Variants in ODF2 observed in about 807,000 individuals in gnomAD.
ODF2 encodes outer dense fiber protein 2.
ODF2 carries 47 observed loss-of-function variants against 110.2 expected under a neutral mutation model. That is an observed-to-expected ratio of 0.43 (90% CI 0.34 to 0.54). The LOEUF is 0.54. Ranked by LOEUF, ODF2 falls within the 20% of genes least tolerant of loss-of-function variation. The pLI, the probability that ODF2 is intolerant of heterozygous loss-of-function variation, is 0.03. For missense variants in ODF2, 812 were observed against 1,054.5 expected, an observed-to-expected ratio of 0.77 and a Z score of 3.19; for synonymous variants, 352 against 397.7, an observed-to-expected ratio of 0.89 and a Z score of 1.37.
At chr9:128,472,398 G>A (rs1230689546) in intron 6 of ODF2, among the ~76,000 whole-genome samples, 2 of 152,148 alleles carry the variant, frequency 1.3e-5, no homozygotes, top group Non-Finnish European at 2.9e-5. Flanking sequence ...AGTAGAGATG[G>A]GGTTTTAGCT....
chr9:128,497,441 AAAAAAATATATATATATAT>A (rs1459884521), intron 18 of ODF2: 10 of 90,872 alleles, frequency 1.1e-4, no homozygotes, highest in African/African-American at 1.9e-4. Context: ...AAAAAAAAAA[AAAAAAATATATATATATAT>A]ATATATATAT....
chr9:128,469,422 T>C, intron 5 of ODF2, 69 bp downstream of exon 5: 1 of 1,533,478 alleles, frequency 6.5e-7, no homozygotes, highest in Non-Finnish European at 9.0e-7. Flanking sequence ...GTGGATTTCC[T>C]GCCTGGTCCC....
Position 128,475,523 on chromosome 9 carries a change from T to C in ODF2, c.843+1782T>C, listed in dbSNP as rs537082468. Among the ~76,000 whole-genome samples, 5 of 152,338 alleles carry C rather than the reference T, an allele frequency of 3.3e-5. No individual in the cohort carries two copies. In the South Asian group the frequency reaches 6.2e-4, roughly 19 times the overall value. On this transcript the variant is annotated intron_variant, in intron 8 of 20. Coordinates refer to ENST00000604420, the Ensembl canonical transcript of ODF2. ...TTTCAAGTATACACATCAGTAACTA[T>C]AGTCACCATGTTGAACAATTTCTCC...
intron 5 of ODF2, among the ~76,000 whole-genome samples, 168 bp from the exon 6 acceptor site, chr9:128,471,140 C>T (rs1405352275): frequency 1.3e-5 from 2 of 152,182 alleles, no homozygotes; most frequent in Non-Finnish European, 2.9e-5. Flanking sequence ...TCTCGAACTC[C>T]TGACCAAAAG....
chr9:128,474,866 A>G (rs1840906497), intron 8 of ODF2, among the ~76,000 whole-genome samples: 1 of 151,912 alleles, frequency 6.6e-6, no homozygotes, highest in African/African-American at 2.4e-5. Context: ...CAGGAGGCTA[A>G]GGTAGGAGAA....
intron 6 of ODF2, among the ~76,000 whole-genome samples, chr9:128,472,095 ATG>A (rs1564480977): frequency 6.6e-6 from 1 of 152,162 alleles, no homozygotes; most frequent in African/African-American, 2.4e-5. Context: ...CCTGGCCAAC[ATG>A]GTGAAACCCT....
At chr9:128,471,308 G>A (rs765164238) in exon 6 of ODF2, 2 of 1,608,536 alleles carry the variant, frequency 1.2e-6, no homozygotes, top group Non-Finnish European at 1.7e-6. Context: ...CCCTGCTCAG[G>A]TCAAGATGCA....
intron 4 of ODF2, among the ~76,000 whole-genome samples, chr9:128,464,397 G>A (rs545371894): frequency 8.2e-4 from 124 of 151,800 alleles, no homozygotes; most frequent in Non-Finnish European, 1.6e-3. Flanking sequence ...CTCGTGATCC[G>A]CCCGCCTTGG....
intron 5 of ODF2, 104 bp downstream of exon 5, chr9:128,469,457 G>C: frequency 8.1e-7 from 1 of 1,236,152 alleles, no homozygotes; most frequent in Non-Finnish European, 1.2e-6. Context: ...CAGGCCTTCA[G>C]GCCTCCTCTG....
chr9:128,463,651 T>A (rs1172729119), intron 4 of ODF2, among the ~76,000 whole-genome samples: 2 of 152,174 alleles, frequency 1.3e-5, no homozygotes, highest in Admixed American at 1.3e-4. Context: ...ATGCACAACA[T>A]ATAACATTTG....
intron 7 of ODF2, 28 bp from the exon 8 acceptor site, chr9:128,473,582 T>G (rs771084278): frequency 6.2e-7 from 1 of 1,611,848 alleles, no homozygotes; most frequent in East Asian, 2.2e-5. Context: ...TCCCCCTGCA[T>G]CTGTAAGACT....
chr9:128,455,553 CAAAAAAAAAAAAAAAAAAAAAAAA>C (rs55634490), upstream of ODF2, among the ~76,000 whole-genome samples: 220 of 56,850 alleles, frequency 3.9e-3, 2 homozygotes, highest in African/African-American at 0.015. Flanking sequence ...GAATCTGTCT[CAAAAAAAAAAAAAAAAAAAAAAAA>C]AAAAAAAAAA....
chr9:128,471,826 G>A (rs1196617528), intron 6 of ODF2, among the ~76,000 whole-genome samples: 1 of 152,140 alleles, frequency 6.6e-6, no homozygotes, highest in Non-Finnish European at 1.5e-5. Context: ...AAGGCCCCAA[G>A]GTGGGAAAGT....
chr9:128,460,629 TAAAA>T (rs765660295), intron 3 of ODF2: 1 of 1,613,836 alleles, frequency 6.2e-7, no homozygotes. Context: ...CACGTCCACA[TAAAA>T]AAACTCCCGA....
At chr9:128,462,794 C>T (rs547478381) in intron 4 of ODF2, among the ~76,000 whole-genome samples, 8 of 151,752 alleles carry the variant, frequency 5.3e-5, no homozygotes, top group South Asian at 2.1e-4. Context: ...GGGGTTTCAC[C>T]GTGTTAGCCA....
intron 1 of ODF2, 92 bp downstream of exon 1, chr9:128,456,347 G>A: frequency 7.0e-7 from 1 of 1,437,162 alleles, no homozygotes; most frequent in Non-Finnish European, 9.1e-7. Context: ...TCGACCCCGC[G>A]GGGCCGTCGG....
rs750565785 is a variant in ODF2, at chr9:128,461,084, C to T, written c.249+17C>T. ...AAGTGGGAGGTAGGCTCACCCTTGCCCAGGCTTTTCTTCTCGGACTGCTCA... is the reference window on the plus strand; with the variant it reads ...AAGTGGGAGGTAGGCTCACCCTTGCTCAGGCTTTTCTTCTCGGACTGCTCA... On this transcript the variant is annotated intron_variant, in intron 4 of 20. Coordinates refer to ENST00000604420, the Ensembl canonical transcript of ODF2. 1.8e-4 allele frequency: 285 copies of T among 1,612,358 alleles called. No individual in the cohort carries two copies. The highest frequency in any genetic ancestry group is 2.2e-4 in the Non-Finnish European group (258 of 1,179,256).
intron 20 of ODF2, among the ~76,000 whole-genome samples, chr9:128,499,817 C>T (rs1168337801): frequency 4.6e-5 from 7 of 152,118 alleles, no homozygotes; most frequent in Admixed American, 2.0e-4. Context: ...ACTATGTTGC[C>T]CATGCTGGTC....
rs1428275938 is a variant in ODF2, at chr9:128,485,023, G to A, written c.1290+137G>A. ...TAGTGGTGGAAAGGATAGATGGCTG[G>A]GGAGGAGGGAGAGGGAGTTAAGGGG... is the stretch of plus-strand genomic sequence containing the variant. On this transcript the variant is annotated intron_variant, in intron 12 of 20. Coordinates refer to ENST00000604420, the Ensembl canonical transcript of ODF2. The surrounding 1 kb of genome is among the most constrained non-coding windows in gnomAD (Gnocchi z 5.0). The A allele has an allele frequency of 1.1e-6, 1 of 938,600 alleles. No individual in the cohort carries two copies. The highest frequency in any genetic ancestry group is 1.6e-6 in the Non-Finnish European group (1 of 610,148). The allele number at this position is 938,600 out of a possible 1,614,324, so 58.1% of individuals were successfully genotyped here.
Sources: gnomAD v4.1 joint callset for allele counts (sites outside exome capture counted in the v4.1 genomes callset) on GRCh38, gnomAD v4.1.1 for gene constraint, Gnocchi (gnomAD v3.1) non-coding constraint, MANE v1.5 for transcripts, NCBI Gene and HGNC (gene_info 2026-07-23, HGNC 2026-07-21) for gene names.